The following FSTL5 variants were observed in gnomAD, a reference collection of about 807,000 sequenced individuals.
The protein encoded by FSTL5 is follistatin like 5, also known as follistatin-related protein 5.
FSTL5 carries 62 observed loss-of-function variants against 89.1 expected under a neutral mutation model. That is an observed-to-expected ratio of 0.70 (90% CI 0.57 to 0.86). FSTL5 has a LOEUF of 0.86. FSTL5 is among the 40% of genes least tolerant of loss of function. FSTL5 has a pLI of 0.00. For missense variants in FSTL5, 1,057 were observed against 1,001.6 expected, an observed-to-expected ratio of 1.06 and a Z score of -0.75; for synonymous variants, 383 against 346.2, an observed-to-expected ratio of 1.11 and a Z score of -1.18.
At chr4:161,588,249 G>T (rs969723011) in intron 7 of FSTL5, among the ~76,000 whole-genome samples, 13 of 152,022 alleles carry the variant, frequency 8.6e-5, no homozygotes, top group African/African-American at 3.1e-4. Context: ...TCTTATTTAT[G>T]GCTAAAACAA....
At chr4:161,557,460 C>T (rs1438433549) in intron 8 of FSTL5, among the ~76,000 whole-genome samples, 1 of 151,536 alleles carries the variant, frequency 6.6e-6, no homozygotes, top group Non-Finnish European at 1.5e-5. Flanking sequence ...TTAGAATATT[C>T]CCTAACTTGA....
At chr4:162,036,694 A>G (rs977249396) in intron 2 of FSTL5, among the ~76,000 whole-genome samples, 8 of 152,026 alleles carry the variant, frequency 5.3e-5, no homozygotes, top group African/African-American at 1.9e-4. Context: ...AGATCAAGGA[A>G]TTATGAAATC....
intron 3 of FSTL5, among the ~76,000 whole-genome samples, chr4:162,021,968 G>C (rs570956312): frequency 1.6e-4 from 24 of 151,994 alleles, no homozygotes; most frequent in Non-Finnish European, 2.8e-4. Context: ...GCGGGTGCCT[G>C]TAATCCCAGC....
intron 2 of FSTL5, among the ~76,000 whole-genome samples, chr4:162,077,601 A>G (rs899358526): frequency 4.6e-5 from 7 of 151,850 alleles, no homozygotes; most frequent in Non-Finnish European, 1.0e-4. Flanking sequence ...TACTTGTAAG[A>G]TTTTGATAAT....
chr4:161,880,221 T>C (rs4691032), intron 4 of FSTL5, among the ~76,000 whole-genome samples: 38,030 of 151,974 alleles, frequency 0.25, 5,320 homozygotes, highest in Non-Finnish European at 0.3. Context: ...GGGTGTTCCA[T>C]GATATAGTCA....
At chr4:162,013,133 G>C (rs1028571219) in intron 3 of FSTL5, among the ~76,000 whole-genome samples, 1 of 151,252 alleles carries the variant, frequency 6.6e-6, no homozygotes, top group Non-Finnish European at 1.5e-5. Flanking sequence ...GTAATGAGCC[G>C]AGATCTTGCA....
intron 15 of FSTL5, among the ~76,000 whole-genome samples, chr4:161,429,235 T>G (rs980651473): frequency 6.6e-6 from 1 of 152,132 alleles, no homozygotes; most frequent in African/African-American, 2.4e-5. Flanking sequence ...TTTTCCATGC[T>G]AGACCCTGGC....
At chr4:161,386,743 A>G (rs1229144858) in intron 15 of FSTL5, 1 of 330,050 alleles carries the variant, frequency 3.0e-6, no homozygotes, top group African/African-American at 2.1e-5. Flanking sequence ...CATAGTGGAA[A>G]GAAGAAGTAT....
intron 8 of FSTL5, among the ~76,000 whole-genome samples, chr4:161,551,132 A>T (rs1161502502): frequency 6.6e-6 from 1 of 151,606 alleles, no homozygotes; most frequent in Non-Finnish European, 1.5e-5. Flanking sequence ...TGGTATTTCT[A>T]GTTCTAGATC....
At chr4:161,786,907 T>G (rs954517948) in intron 4 of FSTL5, among the ~76,000 whole-genome samples, 4 of 152,154 alleles carry the variant, frequency 2.6e-5, no homozygotes, top group Non-Finnish European at 5.9e-5. Flanking sequence ...TATTACACAT[T>G]GCATATTTGA....
intron 4 of FSTL5, among the ~76,000 whole-genome samples, chr4:161,785,955 G>T (rs1741889993): frequency 6.6e-6 from 1 of 151,968 alleles, no homozygotes; most frequent in Non-Finnish European, 1.5e-5. Context: ...AAGTGGTAAT[G>T]AAATACAGGA....
At chr4:161,476,544 C>G (rs1361703181) in intron 13 of FSTL5, among the ~76,000 whole-genome samples, 1 of 152,074 alleles carries the variant, frequency 6.6e-6, no homozygotes, top group Non-Finnish European at 1.5e-5. Context: ...TGTAGGCCAT[C>G]TCTGTTCCAA....
intron 7 of FSTL5, among the ~76,000 whole-genome samples, chr4:161,608,179 T>A (rs2126632340): frequency 6.6e-6 from 1 of 152,244 alleles, no homozygotes; most frequent in Non-Finnish European, 1.5e-5. Flanking sequence ...TGGAAAATGC[T>A]GTGTAAATTA....
At chr4:162,134,455 C>T (rs899791623) in intron 1 of FSTL5, among the ~76,000 whole-genome samples, 1 of 152,124 alleles carries the variant, frequency 6.6e-6, no homozygotes, top group Admixed American at 6.5e-5. Context: ...TGTTAAATGA[C>T]ATGGTAGACC....
chr4:161,866,453 G>A (rs1467770569), intron 4 of FSTL5, among the ~76,000 whole-genome samples: 4 of 132,456 alleles, frequency 3.0e-5, no homozygotes, highest in Non-Finnish European at 4.8e-5. Context: ...GTTTTATAGT[G>A]TTCTAAGCTG....
At chr4:161,858,533 C>G (rs753195646) in intron 4 of FSTL5, among the ~76,000 whole-genome samples, 8 of 152,178 alleles carry the variant, frequency 5.3e-5, no homozygotes, top group Non-Finnish European at 1.2e-4. Context: ...ATCAATCCTA[C>G]ATTCCCATAA....
In FSTL5 at chr4:161,572,343, A is replaced by AAAG. The variant is rs1553998794; in HGVS notation, c.1015+15111_1015+15112insCTT. ...TAAAAAAAAAAAAAAAAAAAAAAAAAAGAGAGAGAGAGAGAGAAAGAGAAA... is the reference window on the plus strand; with the variant it reads ...TAAAAAAAAAAAAAAAAAAAAAAAAAAAGAGAGAGAGAGAGAGAGAAAGAGAAA... On this transcript the variant is annotated intron_variant, in intron 8 of 15. Coordinates refer to ENST00000306100, the MANE Select transcript of FSTL5 (RefSeq NM_020116.5). 1.3e-3 allele frequency among the ~76,000 whole-genome samples: 162 copies of AAAG among 124,490 alleles called. 1 individual carries two copies. The highest frequency in any genetic ancestry group is 4.5e-3 in the East Asian group (18 of 4,042). 81.7% of individuals were successfully genotyped at this position (124,490 alleles called of 152,430 possible).
At chr4:161,896,456 C>T (rs1269078590) in intron 4 of FSTL5, among the ~76,000 whole-genome samples, 2 of 152,016 alleles carry the variant, frequency 1.3e-5, no homozygotes, top group African/African-American at 4.8e-5. Context: ...AGAAAGATGC[C>T]CCCCTTCCAC....
intron 15 of FSTL5, among the ~76,000 whole-genome samples, chr4:161,406,857 T>C (rs1731397805): frequency 6.6e-6 from 1 of 152,178 alleles, no homozygotes; most frequent in Admixed American, 6.5e-5. Context: ...ATAGGGTGGA[T>C]AGAGTGTCTA....
Sources: allele counts gnomAD v4.1 joint callset (sites outside exome capture counted in the v4.1 genomes callset), GRCh38; gene constraint gnomAD v4.1.1; transcripts MANE v1.5; gene names NCBI Gene and HGNC (gene_info 2026-07-23, HGNC 2026-07-21).